Variants in DENND1B observed in about 807,000 individuals in gnomAD.
The protein encoded by DENND1B is DENN domain-containing protein 1B.
In DENND1B, 59 loss-of-function variants were observed where a neutral mutation model predicts 90.1. The observed-to-expected ratio is 0.65, with a 90% CI of 0.53 to 0.81. The LOEUF (loss-of-function observed/expected upper bound fraction) is 0.81, where lower values mean the gene tolerates loss of function less well. DENND1B is among the 40% of genes least tolerant of loss of function. The pLI, the probability that DENND1B is intolerant of heterozygous loss-of-function variation, is 0.00. For missense variants in DENND1B, 862 were observed against 912.6 expected (o/e 0.94, Z 0.71); for synonymous variants, 337 against 324.6 (o/e 1.04, Z -0.41).
chr1:197,525,221 T>C (rs1413017584), intron 20 of DENND1B, among the ~76,000 whole-genome samples: 2 of 152,154 alleles, frequency 1.3e-5, no homozygotes, highest in Non-Finnish European at 2.9e-5. Flanking sequence ...ATTATATCAA[T>C]TTTAAATTTT....
intron 16 of DENND1B, chr1:197,552,698 A>G (rs1671340207): frequency 1.2e-5 from 13 of 1,076,672 alleles, no homozygotes; most frequent in Non-Finnish European, 1.5e-5. Context: ...GTAGTTTTCT[A>G]GCAGAGAATA....
chr1:197,760,621 A>G (rs1197574015), intron 2 of DENND1B, among the ~76,000 whole-genome samples: 3 of 151,318 alleles, frequency 2.0e-5, no homozygotes. Context: ...CAGCCTGGGC[A>G]ACAGAGTGAG....
Position 197,647,134 on chromosome 1 carries a change from A to G in DENND1B, c.448-20T>C. 2.1e-6 allele frequency: 3 copies of G among 1,408,978 alleles called. No individual in the cohort carries two copies. Among genetic ancestry groups the G allele is most frequent in the Non-Finnish European group, 2.8e-6 (3 of 1,081,728 alleles). The allele number at this position is 1,408,978 out of a possible 1,614,324, so 87.3% of individuals were successfully genotyped here. ...TTGGTTCTTATAATACATGAGAGAA[A>G]AAAATGAATATTTTACTTTCATGGG... On this transcript the variant is annotated intron_variant, in intron 7 of 22. Coordinates refer to ENST00000620048, the MANE Select transcript of DENND1B (RefSeq NM_001195215.2).
intron 2 of DENND1B, among the ~76,000 whole-genome samples, chr1:197,759,742 C>CAAAAAAA (rs1196523150): frequency 5.2e-5 from 2 of 38,158 alleles, no homozygotes; most frequent in African/African-American, 1.1e-4. Flanking sequence ...GACTCCGTCT[C>CAAAAAAA]AAAAAAAAAA....
chr1:197,681,677 G>T (rs952126481), intron 3 of DENND1B, among the ~76,000 whole-genome samples: 12 of 152,078 alleles, frequency 7.9e-5, no homozygotes, highest in African/African-American at 2.9e-4. Flanking sequence ...TTGTATTACA[G>T]AATTTTGGTT....
At chr1:197,684,657 C>A (rs1043460372) in intron 3 of DENND1B, among the ~76,000 whole-genome samples, 2 of 151,692 alleles carry the variant, frequency 1.3e-5, no homozygotes, top group African/African-American at 4.8e-5. Flanking sequence ...ACCGTGAGGC[C>A]AAAAAAAGAT....
rs547371581 is a variant in DENND1B at position 197,762,873 on chromosome 1, G to A, written c.82+9995C>T. ...CAGGCCCATCCATGTTGTAGCACAC[G>A]GCATTATCTCCCCCGTTGTAAGGCT... On this transcript the variant is annotated intron_variant, in intron 2 of 22. Transcript: ENST00000620048. Among the ~76,000 whole-genome samples, 3 of 152,118 alleles carry A rather than the reference G, an allele frequency of 2.0e-5. 1 individual carries two copies. Among genetic ancestry groups the A allele is most frequent in the South Asian group, 4.2e-4 (2 of 4,810 alleles).
At chr1:197,660,362 A>G (rs1430273613) in intron 5 of DENND1B, among the ~76,000 whole-genome samples, 1 of 152,080 alleles carries the variant, frequency 6.6e-6, no homozygotes, top group Non-Finnish European at 1.5e-5. Context: ...GTTCATAACA[A>G]AAAAGATAAA....
At chr1:197,765,075 T>G (rs557290155) in intron 2 of DENND1B, among the ~76,000 whole-genome samples, 1 of 152,338 alleles carries the variant, frequency 6.6e-6, no homozygotes, top group South Asian at 2.1e-4. Flanking sequence ...TATTCTACTC[T>G]TCTCTTATTC....
intron 16 of DENND1B, among the ~76,000 whole-genome samples, chr1:197,550,647 C>T (rs1296781258): frequency 8.7e-6 from 1 of 114,494 alleles, no homozygotes; most frequent in African/African-American, 3.3e-5. Flanking sequence ...GAACATCACA[C>T]ACCAGGGCCT....
rs1320537319 is a variant in DENND1B at position 197,507,780 on chromosome 1, C to T, written c.*2680G>A. ...CTCACCCAGTTTAATTTCATTCTCACTATAACCACCATAATACTAGGAAGT... is the reference window on the plus strand; with the variant it reads ...CTCACCCAGTTTAATTTCATTCTCATTATAACCACCATAATACTAGGAAGT... On this transcript the variant is annotated 3_prime_UTR_variant, in exon 23 of 23. Coordinates refer to ENST00000620048, the MANE Select transcript of DENND1B (RefSeq NM_001195215.2). 1 of 151,556 alleles carries T rather than the reference C, an allele frequency of 6.6e-6. No individual in the cohort carries two copies. The highest frequency in any genetic ancestry group is 1.9e-4 in the East Asian group (1 of 5,140). 9.4% of individuals were successfully genotyped at this position (151,556 alleles called of 1,614,324 possible).
chr1:197,510,333 G>A lies in DENND1B; in HGVS notation c.*127C>T. ...TCATATATCCTCGAAATGAACAAGT[G>A]AGAAAAATGTTGCAAATGCAAAAAA... On this transcript the variant is annotated 3_prime_UTR_variant, in exon 23 of 23. Transcript: ENST00000620048. 1 of 1,053,346 alleles carries A rather than the reference G, an allele frequency of 9.5e-7. No homozygotes were observed. The highest frequency in any genetic ancestry group is 2.7e-5 in the East Asian group (1 of 37,716). 65.2% of individuals were successfully genotyped at this position (1,053,346 alleles called of 1,614,324 possible).
intron 10 of DENND1B, among the ~76,000 whole-genome samples, chr1:197,634,519 T>C (rs1679602480): frequency 6.6e-6 from 1 of 152,198 alleles, no homozygotes; most frequent in Non-Finnish European, 1.5e-5. Flanking sequence ...AGTTCCTGTA[T>C]AGGCTGAACA....
intron 20 of DENND1B, among the ~76,000 whole-genome samples, chr1:197,527,266 CACTTA>C (rs1403647580): frequency 2.0e-5 from 3 of 150,660 alleles, no homozygotes; most frequent in Non-Finnish European, 3.0e-5. Context: ...GAAGAACATT[CACTTA>C]ACTTATTTCA....
chr1:197,552,423 T>C (rs1262121826), intron 16 of DENND1B: 2 of 985,506 alleles, frequency 2.0e-6, no homozygotes, highest in Non-Finnish European at 2.4e-6. Context: ...AATATCAGTT[T>C]GTAAATTATT....
At chr1:197,578,607 T>A (rs887061697) in intron 15 of DENND1B, among the ~76,000 whole-genome samples, 30 of 152,160 alleles carry the variant, frequency 2.0e-4, no homozygotes, top group African/African-American at 6.5e-4. Context: ...GATATGTTAA[T>A]TAGCTTGATA....
At chr1:197,663,898 T>C (rs1215239726) in intron 5 of DENND1B, among the ~76,000 whole-genome samples, 1 of 152,082 alleles carries the variant, frequency 6.6e-6, no homozygotes, top group African/African-American at 2.4e-5. Flanking sequence ...ATCCAGGGTA[T>C]ACAAAGTAGT....
At chr1:197,634,255 T>G (rs903568951) in intron 10 of DENND1B, among the ~76,000 whole-genome samples, 5 of 152,284 alleles carry the variant, frequency 3.3e-5, no homozygotes, top group African/African-American at 9.6e-5. Flanking sequence ...CCAATCCCAA[T>G]GTTATAGTTT....
At chr1:197,756,557 C>G (rs941257827) in intron 2 of DENND1B, among the ~76,000 whole-genome samples, 1 of 105,000 alleles carries the variant, frequency 9.5e-6, no homozygotes, top group Admixed American at 1.6e-4. Flanking sequence ...GACTGGGCAA[C>G]AGAGCAAGTC....
Sources: allele counts gnomAD v4.1 joint callset (sites outside exome capture counted in the v4.1 genomes callset), GRCh38; gene constraint gnomAD v4.1.1; transcripts MANE v1.5; gene names NCBI Gene and HGNC (gene_info 2026-07-23, HGNC 2026-07-21).